SLC30A5: variants seen among roughly 807,000 people sequenced by gnomAD.
The protein encoded by SLC30A5 is solute carrier family 30 member 5, also known as proton-coupled zinc antiporter SLC30A5.
A neutral mutation model predicts 79.6 loss-of-function variants in SLC30A5; 33 were observed. The ratio of observed to expected loss-of-function variants is 0.41; its 90% CI spans 0.31 to 0.55. SLC30A5 has a LOEUF of 0.55. SLC30A5 is among the 20% of genes least tolerant of loss of function. The probability of loss-of-function intolerance (pLI) is 0.20; values close to 1 mark genes in which losing one functional copy is unlikely to be tolerated. For missense variants in SLC30A5, 788 were observed against 928.1 expected (o/e 0.85, Z 1.96); for synonymous variants, 299 against 319.7 (o/e 0.94, Z 0.69).
intron 8 of SLC30A5, 70 bp downstream of exon 8, chr5:69,115,477 C>T: frequency 8.4e-7 from 1 of 1,193,750 alleles, no homozygotes; most frequent in Non-Finnish European, 1.2e-6. Flanking sequence ...ATTTTTAGTT[C>T]ACTGTATTCA....
intron 14 of SLC30A5, among the ~76,000 whole-genome samples, chr5:69,124,112 C>CAAAAA (rs1235473113): frequency 1.2e-4 from 11 of 94,640 alleles, no homozygotes; most frequent in African/African-American, 3.8e-4. Flanking sequence ...GACTCCACCT[C>CAAAAA]AAAAAAAAAA....
intron 1 of SLC30A5, among the ~76,000 whole-genome samples, chr5:69,095,128 T>C (rs1745684511): frequency 6.6e-6 from 1 of 152,080 alleles, no homozygotes; most frequent in African/African-American, 2.4e-5. Context: ...AAATACTTCT[T>C]TGATATTTAA....
At chr5:69,129,187 G>A (rs1412331067) in intron 15 of SLC30A5, among the ~76,000 whole-genome samples, 2 of 152,044 alleles carry the variant, frequency 1.3e-5, no homozygotes, top group Non-Finnish European at 2.9e-5. Context: ...TTCGATTTGC[G>A]ATTTTATTTT....
intron 4 of SLC30A5, among the ~76,000 whole-genome samples, chr5:69,107,730 T>C (rs1474751373): frequency 6.6e-6 from 1 of 151,566 alleles, no homozygotes; most frequent in Non-Finnish European, 1.5e-5. Context: ...ATATGTTGCC[T>C]GTACTTTTTT....
At chr5:69,117,083 A>G (rs957242136) in intron 10 of SLC30A5, among the ~76,000 whole-genome samples, 156 bp from the exon 11 acceptor site, 2 of 152,204 alleles carry the variant, frequency 1.3e-5, no homozygotes, top group African/African-American at 4.8e-5. Flanking sequence ...AGTTTTTACA[A>G]TTTGTGTGAA....
rs142387252 is a variant in SLC30A5 at position 69,103,330 on chromosome 5, CAA to C, written c.273+203_273+204del. 1.5e-3 allele frequency among the ~76,000 whole-genome samples: 231 copies of C among 151,978 alleles called. 2 individuals are homozygous for C. The highest frequency in any genetic ancestry group is 5.5e-3 in the African/African-American group (227 of 41,452). Reference sequence around the variant, plus strand: ...GATCATGGAATGTTTTTAAAAAAAACAAGAGGGTAAAAAAAATTATAAAGCAT... The same window carrying C: ...GATCATGGAATGTTTTTAAAAAAAACGAGGGTAAAAAAAATTATAAAGCAT... On this transcript the variant is annotated intron_variant, in intron 3 of 15. Transcript: ENST00000396591.
intron 2 of SLC30A5, chr5:69,102,676 G>A (rs338669): frequency 0.72 from 109,362 of 152,104 alleles, 40,092 homozygotes; most frequent in African/African-American, 0.88. Flanking sequence ...CCTGGCCAAC[G>A]TGTTGAAACA....
At chr5:69,095,944 C>T (rs929386458) in intron 1 of SLC30A5, among the ~76,000 whole-genome samples, 1 of 151,874 alleles carries the variant, frequency 6.6e-6, no homozygotes, top group Non-Finnish European at 1.5e-5. Flanking sequence ...TGGTATGCGC[C>T]TGTAATCCCA....
chr5:69,119,609 G>A (rs1385829723), intron 12 of SLC30A5, among the ~76,000 whole-genome samples: 6 of 152,182 alleles, frequency 3.9e-5, no homozygotes, highest in African/African-American at 1.4e-4. Context: ...AAGCATACAT[G>A]AGTAAAATGT....
intron 4 of SLC30A5, among the ~76,000 whole-genome samples, chr5:69,105,648 A>G (rs1171818901): frequency 6.7e-6 from 1 of 148,324 alleles, no homozygotes; most frequent in Non-Finnish European, 1.5e-5. Flanking sequence ...ACAGAGCGAG[A>G]CTCCGTCTCA....
rs999594956 is a variant in SLC30A5, at chr5:69,128,290, T to G, written c.2127+158T>G. Among the ~76,000 whole-genome samples the G allele has an allele frequency of 4.0e-5, 6 of 148,970 alleles. No individual in the cohort carries two copies. In the Admixed American group the frequency reaches 4.0e-4, roughly 10 times the overall value. ...TTTTTGAGACAGGGTCTCACTCTGT[T>G]GCCCAGGCTGGAGTGCAGTGGCGTG... is the stretch of plus-strand genomic sequence containing the variant. On this transcript the variant is annotated intron_variant, in intron 15 of 15. Transcript: ENST00000396591.
At chr5:69,109,617 GA>G (rs1398913470) in intron 5 of SLC30A5, among the ~76,000 whole-genome samples, 1 of 151,784 alleles carries the variant, frequency 6.6e-6, no homozygotes, top group African/African-American at 2.4e-5. Flanking sequence ...AATCATTTTT[GA>G]AAAATAACTA....
chr5:69,114,581 T>C, intron 7 of SLC30A5, 85 bp downstream of exon 7: 1 of 934,036 alleles, frequency 1.1e-6, no homozygotes, highest in Admixed American at 1.8e-5. Context: ...TAAAATAAAT[T>C]ATCAGCTGGG....
chr5:69,121,644 G>C (rs1746534600), intron 12 of SLC30A5, 50 bp from the exon 13 acceptor site: 1 of 1,281,060 alleles, frequency 7.8e-7, no homozygotes, highest in Admixed American at 2.3e-5. Flanking sequence ...TAAATAACAA[G>C]TCTATTTTTA....
At chr5:69,107,228 T>C (rs777797298) in intron 4 of SLC30A5, among the ~76,000 whole-genome samples, 3 of 152,176 alleles carry the variant, frequency 2.0e-5, no homozygotes, top group Non-Finnish European at 4.4e-5. Flanking sequence ...GGATTATCAA[T>C]ATTACTGTCT....
chr5:69,110,776 C>G (rs930281274), intron 5 of SLC30A5, among the ~76,000 whole-genome samples: 8 of 152,118 alleles, frequency 5.3e-5, no homozygotes, highest in African/African-American at 1.9e-4. Context: ...GTTTTACATT[C>G]CTTTCAAAGT....
intron 13 of SLC30A5, among the ~76,000 whole-genome samples, chr5:69,122,591 T>C (rs941220357): frequency 2.6e-5 from 4 of 152,100 alleles, no homozygotes; most frequent in African/African-American, 9.7e-5. Context: ...GAGATGGAGG[T>C]TGCAGTGAGC....
chr5:69,100,663 T>G, intron 1 of SLC30A5, 144 bp from the exon 2 acceptor site: 3 of 572,982 alleles, frequency 5.2e-6, no homozygotes, highest in Non-Finnish European at 3.0e-6. Context: ...GGATGGTGAG[T>G]TGTTTGGGGA....
At chr5:69,122,475 G>A (rs1017747897) in intron 13 of SLC30A5, among the ~76,000 whole-genome samples, 1 of 152,148 alleles carries the variant, frequency 6.6e-6, no homozygotes, top group Admixed American at 6.6e-5. Flanking sequence ...CCAACATGGT[G>A]AAACCCTGTC....
Sources: allele counts gnomAD v4.1 joint callset (sites outside exome capture counted in the v4.1 genomes callset), GRCh38; gene constraint gnomAD v4.1.1; transcripts MANE v1.5; gene names NCBI Gene and HGNC (gene_info 2026-07-23, HGNC 2026-07-21).